Variants in RARB observed in about 807,000 individuals in gnomAD.
The protein encoded by RARB is HBV-activated protein.
In RARB, 17 loss-of-function variants were observed where a neutral mutation model predicts 51.9. The ratio of observed to expected loss-of-function variants is 0.33; its 90% CI spans 0.22 to 0.49. The LOEUF (loss-of-function observed/expected upper bound fraction) is 0.49. Ranked by LOEUF, RARB falls within the 20% of genes least tolerant of loss-of-function variation. RARB has a pLI of 0.99. For missense variants in RARB, 369 were observed against 550.8 expected, an observed-to-expected ratio of 0.67 and a Z score of 3.30; for synonymous variants, 215 against 195.4, an observed-to-expected ratio of 1.10 and a Z score of -0.84.
chr3:25,232,867 G>T (rs546390134), intron 5 of RARB, among the ~76,000 whole-genome samples: 8 of 152,000 alleles, frequency 5.3e-5, no homozygotes, highest in African/African-American at 1.9e-4. Flanking sequence ...TTAGATGATT[G>T]TGTCCAGTTG....
At chr3:25,297,094 G>T (rs1205022361) in intron 5 of RARB, among the ~76,000 whole-genome samples, 4 of 152,110 alleles carry the variant, frequency 2.6e-5, no homozygotes, top group African/African-American at 9.7e-5. Context: ...ACTTATAAGA[G>T]TTCCATGTAT....
intron 5 of RARB, among the ~76,000 whole-genome samples, chr3:25,329,419 A>G (rs1183082224): frequency 1.3e-5 from 2 of 152,184 alleles, no homozygotes; most frequent in Non-Finnish European, 2.9e-5. Context: ...CCTCCAGCAA[A>G]CTCCAACAGA....
intron 5 of RARB, among the ~76,000 whole-genome samples, chr3:25,198,279 G>A (rs1701297199): frequency 6.6e-6 from 1 of 151,888 alleles, no homozygotes; most frequent in South Asian, 2.1e-4. Flanking sequence ...ATATCAAACT[G>A]GATTAAAGAC....
At chr3:24,945,655 A>G (rs1057053409) in intron 2 of RARB, among the ~76,000 whole-genome samples, 1 of 152,240 alleles carries the variant, frequency 6.6e-6, no homozygotes, top group Non-Finnish European at 1.5e-5. Context: ...CTCTTTGGCA[A>G]GAATTAAAAG....
At chr3:24,914,550 C>G (rs2125382257) in intron 2 of RARB, among the ~76,000 whole-genome samples, 1 of 152,212 alleles carries the variant, frequency 6.6e-6, no homozygotes, top group South Asian at 2.1e-4. Context: ...TCTCAGGTAC[C>G]AAAATCCATG....
chr3:24,862,975 A>G (rs563152229), intron 2 of RARB, among the ~76,000 whole-genome samples: 1 of 152,218 alleles, frequency 6.6e-6, no homozygotes, highest in South Asian at 2.1e-4. Flanking sequence ...TTGAAGTACC[A>G]GGAGGACTTG....
intron 5 of RARB, among the ~76,000 whole-genome samples, chr3:25,381,371 C>A (rs1211285575): frequency 1.3e-5 from 2 of 152,170 alleles, no homozygotes; most frequent in Non-Finnish European, 2.9e-5. Context: ...GCCAGACTTC[C>A]TGTGTTCCCG....
At chr3:25,115,213 A>C (rs1352694808) in intron 3 of RARB, among the ~76,000 whole-genome samples, 1 of 152,190 alleles carries the variant, frequency 6.6e-6, no homozygotes, top group Non-Finnish European at 1.5e-5. Context: ...GTTTTACTTA[A>C]AAAAACTGTC....
chr3:25,230,196 G>T (rs1160511359), intron 5 of RARB, among the ~76,000 whole-genome samples: 1 of 152,052 alleles, frequency 6.6e-6, no homozygotes, highest in Non-Finnish European at 1.5e-5. Flanking sequence ...GGAGAGGAAT[G>T]ATTTTATAAT....
intron 5 of RARB, among the ~76,000 whole-genome samples, chr3:25,219,506 A>G (rs1435219571): frequency 6.6e-6 from 1 of 152,126 alleles, no homozygotes; most frequent in East Asian, 1.9e-4. Flanking sequence ...TATAAAACCT[A>G]ATGCATCTCT....
chr3:25,407,162 T>A (rs1002173022), intron 5 of RARB, among the ~76,000 whole-genome samples: 3 of 152,198 alleles, frequency 2.0e-5, no homozygotes, highest in African/African-American at 7.2e-5. Context: ...CTTCGGCAGT[T>A]CCCCACTGCC....
At chr3:25,098,075 T>C (rs1392318867) in intron 3 of RARB, among the ~76,000 whole-genome samples, 1 of 151,618 alleles carries the variant, frequency 6.6e-6, no homozygotes, top group Non-Finnish European at 1.5e-5. Flanking sequence ...TGCAGAAAAA[T>C]ATACACACAC....
chr3:25,571,111 C>T (rs1316252910), intron 4 of RARB, among the ~76,000 whole-genome samples: 3 of 152,122 alleles, frequency 2.0e-5, no homozygotes, highest in African/African-American at 4.8e-5. Flanking sequence ...GGTGGCTTCT[C>T]AGATGAAAAT....
At chr3:24,963,890 G>GA (rs932695459) in intron 2 of RARB, among the ~76,000 whole-genome samples, 1 of 87,100 alleles carries the variant, frequency 1.1e-5, no homozygotes, top group South Asian at 4.4e-4. Context: ...CATTTTGGTA[G>GA]AAAAAAAAAC....
At chr3:25,146,101 C>T (rs975932250) in intron 4 of RARB, among the ~76,000 whole-genome samples, 1 of 152,168 alleles carries the variant, frequency 6.6e-6, no homozygotes, top group Non-Finnish European at 1.5e-5. Flanking sequence ...CCTTGCCCCT[C>T]ACTAGCTCTG....
At chr3:25,355,942 G>A (rs573114023) in intron 5 of RARB, among the ~76,000 whole-genome samples, 1 of 152,078 alleles carries the variant, frequency 6.6e-6, no homozygotes, top group African/African-American at 2.4e-5. Context: ...AAAAAGTTAA[G>A]CAGGAACTTG....
chr3:25,214,647 A>G (rs1036617467), intron 5 of RARB, among the ~76,000 whole-genome samples: 15 of 152,164 alleles, frequency 9.9e-5, no homozygotes, highest in Admixed American at 6.5e-4. Context: ...GGACTTCAGC[A>G]CTTGGGTGGA....
intron 3 of RARB, among the ~76,000 whole-genome samples, chr3:25,526,293 G>A (rs1026489704): frequency 6.6e-6 from 1 of 152,190 alleles, no homozygotes; most frequent in African/African-American, 2.4e-5. Context: ...TGAAGAGGAA[G>A]CCAAAGGGTG....
chr3:25,081,446 C>A (rs1282577885), intron 3 of RARB, among the ~76,000 whole-genome samples: 1 of 150,058 alleles, frequency 6.7e-6, no homozygotes, highest in Admixed American at 6.7e-5. Context: ...ATTGATAGTG[C>A]TGTTCAAATA....
Sources: allele counts gnomAD v4.1 joint callset (sites outside exome capture counted in the v4.1 genomes callset), GRCh38; gene constraint gnomAD v4.1.1; transcripts MANE v1.5; gene names NCBI Gene and HGNC (gene_info 2026-07-23, HGNC 2026-07-21).